Variants in STPG2 observed in about 807,000 individuals in gnomAD.
STPG2 encodes sperm-tail PG-rich repeat-containing protein 2.
In STPG2, 56 loss-of-function variants were observed where a neutral mutation model predicts 54.2. That is an observed-to-expected ratio of 1.03 (90% CI 0.83 to 1.29). The LOEUF (loss-of-function observed/expected upper bound fraction) is 1.29. STPG2 is among the 50% of genes most tolerant of loss of function. The pLI, the probability that STPG2 is intolerant of heterozygous loss-of-function variation, is 0.00. For synonymous variants in STPG2, 200 were observed against 181.8 expected, an observed-to-expected ratio of 1.10 and a Z score of -0.81; for missense variants, 596 against 544.9, an observed-to-expected ratio of 1.09 and a Z score of -0.93.
At chr4:97,813,612 C>G (rs1727809868) in intron 9 of STPG2, among the ~76,000 whole-genome samples, 1 of 123,204 alleles carries the variant, frequency 8.1e-6, no homozygotes, top group South Asian at 2.7e-4. Flanking sequence ...GAGTCTGAAA[C>G]AGGAGAATTG....
At chr4:97,870,325 T>C (rs1043744857) in intron 8 of STPG2, among the ~76,000 whole-genome samples, 4 of 151,476 alleles carry the variant, frequency 2.6e-5, no homozygotes, top group Admixed American at 2.0e-4. Context: ...CTCACAGAAA[T>C]AAATGTGAAT....
intron 10 of STPG2, among the ~76,000 whole-genome samples, chr4:97,565,552 C>T (rs545853495): frequency 2.0e-5 from 3 of 152,186 alleles, no homozygotes; most frequent in Admixed American, 6.5e-5. Context: ...GTTTTTTCCC[C>T]GTCTTTGTGG....
intron 5 of STPG2, among the ~76,000 whole-genome samples, chr4:98,033,841 C>T (rs1007683133): frequency 2.0e-5 from 3 of 152,018 alleles, no homozygotes; most frequent in South Asian, 2.1e-4. Context: ...ACAGAACCAA[C>T]AACAAAAACC....
intron 4 of STPG2, among the ~76,000 whole-genome samples, chr4:97,526,454 T>A (rs1306044948): frequency 1.3e-5 from 2 of 151,688 alleles, no homozygotes; most frequent in African/African-American, 4.9e-5. Flanking sequence ...AGCAAATGAG[T>A]TTTGTTTCTT....
chr4:97,807,665 A>T (rs987365936), intron 9 of STPG2, among the ~76,000 whole-genome samples: 5 of 152,006 alleles, frequency 3.3e-5, no homozygotes, highest in African/African-American at 7.2e-5. Context: ...TAAGAGGAAA[A>T]AAAAGGAAGT....
At chr4:97,488,007 A>C (rs1730410844) in intron 4 of STPG2, among the ~76,000 whole-genome samples, 1 of 151,572 alleles carries the variant, frequency 6.6e-6, no homozygotes. Context: ...TGCCATTTAG[A>C]AAAAGATATA....
At chr4:97,552,019 T>C (rs7690009) in intron 4 of STPG2, among the ~76,000 whole-genome samples, 6,905 of 152,224 alleles carry the variant, frequency 0.045, 424 homozygotes, top group African/African-American at 0.14. Context: ...CAAAAAGGGT[T>C]GGAGATTGGA....
chr4:97,541,113 C>T (rs530045597), intron 4 of STPG2, among the ~76,000 whole-genome samples: 22 of 152,066 alleles, frequency 1.4e-4, no homozygotes, highest in East Asian at 5.8e-4. Context: ...TTGGAAGTTC[C>T]GGCCAGGGCA....
chr4:97,523,414 T>G (rs1731221575), intron 4 of STPG2, among the ~76,000 whole-genome samples: 1 of 151,992 alleles, frequency 6.6e-6, no homozygotes, highest in Non-Finnish European at 1.5e-5. Context: ...TAATAGATCC[T>G]CAATAAATAT....
At chr4:97,500,405 T>C (rs1429596729) in intron 4 of STPG2, among the ~76,000 whole-genome samples, 1 of 152,044 alleles carries the variant, frequency 6.6e-6, no homozygotes, top group Non-Finnish European at 1.5e-5. Flanking sequence ...GCTCTGGATA[T>C]GTAAATTTTG....
At chr4:98,130,948 AAAC>A (rs1442740026) in intron 2 of STPG2, among the ~76,000 whole-genome samples, 14 of 127,380 alleles carry the variant, frequency 1.1e-4, no homozygotes, top group South Asian at 2.4e-4. Context: ...AACAAAAAAA[AAAC>A]GACTTTCCAA....
At chr4:97,586,632 T>C (rs1733008216) in intron 10 of STPG2, among the ~76,000 whole-genome samples, 1 of 151,976 alleles carries the variant, frequency 6.6e-6, no homozygotes, top group African/African-American at 2.4e-5. Flanking sequence ...AGCAGATTTG[T>C]CTTATAAAAC....
chr4:97,484,823 T>C (rs1730313498), intron 4 of STPG2, among the ~76,000 whole-genome samples: 1 of 151,652 alleles, frequency 6.6e-6, no homozygotes, highest in Non-Finnish European at 1.5e-5. Flanking sequence ...AAATACTAGC[T>C]AACAAAATCC....
At chr4:97,565,844 C>T (rs1411052588) in intron 10 of STPG2, among the ~76,000 whole-genome samples, 2 of 114,326 alleles carry the variant, frequency 1.7e-5, no homozygotes, top group Middle Eastern at 4.1e-3. Context: ...TCTGCCGCTA[C>T]TGGGGGGTGC....
chr4:97,815,485 G>C (rs192577282), intron 9 of STPG2, among the ~76,000 whole-genome samples: 17 of 151,972 alleles, frequency 1.1e-4, no homozygotes, highest in African/African-American at 4.1e-4. Context: ...TTTGGATTTT[G>C]GATTTTTAGA....
intron 5 of STPG2, among the ~76,000 whole-genome samples, chr4:98,089,303 A>G (rs34412187): frequency 0.4 from 60,126 of 151,892 alleles, 12,131 homozygotes; most frequent in Middle Eastern, 0.46. Flanking sequence ...AACATACAAT[A>G]TTCGATTTTC....
chr4:97,547,212 C>CT (rs776615674), intron 4 of STPG2, among the ~76,000 whole-genome samples: 433 of 141,474 alleles, frequency 3.1e-3, no homozygotes, highest in Middle Eastern at 0.011. Flanking sequence ...AGACGAGAAA[C>CT]TTTTTTTTTT....
chr4:97,963,374 A>G (rs957084879), intron 7 of STPG2, among the ~76,000 whole-genome samples: 1 of 151,574 alleles, frequency 6.6e-6, no homozygotes, highest in Non-Finnish European at 1.5e-5. Flanking sequence ...ACAAAAATAT[A>G]TACTGGGCGT....
At chr4:97,703,174 C>T (rs936238183) in intron 10 of STPG2, among the ~76,000 whole-genome samples, 14 of 151,878 alleles carry the variant, frequency 9.2e-5, no homozygotes, top group African/African-American at 2.9e-4. Flanking sequence ...TTATTTTGCA[C>T]AGCTCTCTAA....
Sources: gnomAD v4.1 joint callset for allele counts (sites outside exome capture counted in the v4.1 genomes callset) on GRCh38, gnomAD v4.1.1 for gene constraint, MANE v1.5 for transcripts, NCBI Gene and HGNC (gene_info 2026-07-23, HGNC 2026-07-21) for gene names.